CELF2: variants seen among roughly 807,000 people sequenced by gnomAD.
CELF2 encodes CUGBP Elav-like family member 2, also known as CUG triplet repeat RNA-binding protein 2.
Under a neutral mutation model 62.6 loss-of-function variants are expected in CELF2, and 8 were observed. The ratio of observed to expected loss-of-function variants is 0.13; its 90% CI spans 0.07 to 0.23. The LOEUF is 0.23. Ranked by LOEUF, CELF2 falls within the 10% of genes least tolerant of loss-of-function variation. The pLI, the probability that CELF2 is intolerant of heterozygous loss-of-function variation, is 1.00. For synonymous variants in CELF2, 258 were observed against 250.0 expected, an observed-to-expected ratio of 1.03 and a Z score of -0.30; for missense variants, 333 against 671.0, an observed-to-expected ratio of 0.50 and a Z score of 5.56.
chr10:10,788,115 T>C, the CELF2 span, among the ~76,000 whole-genome samples: 1 of 152,138 alleles, frequency 6.6e-6, no homozygotes, highest in Non-Finnish European at 1.5e-5. Flanking sequence ...GGAGAAAAAT[T>C]AGACAAATTT....
chr10:11,221,451 C>G (rs1018067442), intron 3 of CELF2, among the ~76,000 whole-genome samples: 6 of 152,176 alleles, frequency 3.9e-5, no homozygotes, highest in African/African-American at 1.4e-4. Context: ...AGAAAAACTA[C>G]CAAGATCTTT....
At chr10:11,121,967 G>A (rs2057841280) in intron 1 of CELF2, among the ~76,000 whole-genome samples, 2 of 152,142 alleles carry the variant, frequency 1.3e-5, no homozygotes, top group Non-Finnish European at 2.9e-5. Context: ...GTCCATGTGT[G>A]CCAGATAACC....
At chr10:10,727,962 G>A in the CELF2 span, among the ~76,000 whole-genome samples, 2 of 152,148 alleles carry the variant, frequency 1.3e-5, no homozygotes, top group South Asian at 2.1e-4. Flanking sequence ...GATTCTCCCC[G>A]TGTTGCTTAC....
chr10:10,645,614 A>G, the CELF2 span, among the ~76,000 whole-genome samples: 9,733 of 152,208 alleles, frequency 0.064, 360 homozygotes, highest in Admixed American at 0.097. Context: ...TCATTGCACC[A>G]CCGCACTTCA....
rs145355426 is a variant in CELF2, at chr10:11,262,813, T to C, written c.539-3785T>C. On this transcript the variant is annotated intron_variant, in intron 5 of 12. Coordinates refer to ENST00000633077, the MANE Select transcript of CELF2 (RefSeq NM_001326342.2). ...TAAACAAGTTTTCCATAGGTTAAAA[T>C]CTCCTTTGTCCTACACAAGTTATAC... Among the ~76,000 whole-genome samples, 733 of 151,724 alleles carry C rather than the reference T, an allele frequency of 4.8e-3. 21 individuals carry two copies. In the East Asian group the frequency reaches 0.074, roughly 15 times the overall value.
rs1174053118 is a variant in CELF2, at chr10:11,314,087, TCTCA to T, written c.977-46_977-43del. 1.3e-5 allele frequency: 20 copies of T among 1,553,118 alleles called. No individual in the cohort carries two copies. Among genetic ancestry groups the T allele is most frequent in the Non-Finnish European group, 1.7e-5 (19 of 1,136,260 alleles). Reference sequence around the variant, plus strand: ...TGACAGAAGGATTTCCAGTCTCGGCTCTCACTCACCTCGTGTCTTCTCTCCCCTT... The same window carrying T: ...TGACAGAAGGATTTCCAGTCTCGGCTCTCACCTCGTGTCTTCTCTCCCCTT... On this transcript the variant is annotated intron_variant, in intron 9 of 12. Coordinates refer to ENST00000633077, the MANE Select transcript of CELF2 (RefSeq NM_001326342.2). This position sits in a 1 kb window ranked among gnomAD's most constrained non-coding sequence, Gnocchi z 5.3.
At chr10:11,095,659 T>G (rs939959399) in intron 1 of CELF2, among the ~76,000 whole-genome samples, 5 of 152,160 alleles carry the variant, frequency 3.3e-5, no homozygotes, top group African/African-American at 1.2e-4. Flanking sequence ...CCTTTCAACT[T>G]GAAAGAGGTT....
the CELF2 span, among the ~76,000 whole-genome samples, chr10:10,672,343 C>G: frequency 6.6e-6 from 1 of 152,094 alleles, no homozygotes; most frequent in Non-Finnish European, 1.5e-5. Context: ...AGATTTTCTC[C>G]TATGTTATCT....
chr10:10,472,514 C>T, the CELF2 span, among the ~76,000 whole-genome samples: 1 of 151,780 alleles, frequency 6.6e-6, no homozygotes, highest in Admixed American at 6.6e-5. Flanking sequence ...AAAATTGCTG[C>T]TGTTAAGGTT....
intron 1 of CELF2, among the ~76,000 whole-genome samples, chr10:11,085,380 C>T (rs1294605383): frequency 6.6e-6 from 1 of 152,196 alleles, no homozygotes; most frequent in East Asian, 1.9e-4. Flanking sequence ...CATTGAAAAA[C>T]ATGGGGTACC....
At chr10:10,672,762 T>C in the CELF2 span, among the ~76,000 whole-genome samples, 2 of 152,120 alleles carry the variant, frequency 1.3e-5, no homozygotes, top group African/African-American at 4.8e-5. Flanking sequence ...TCTTCAATAA[T>C]GTGTTGGCAA....
At chr10:11,203,684 T>C (rs1160063472) in intron 2 of CELF2, among the ~76,000 whole-genome samples, 1 of 152,222 alleles carries the variant, frequency 6.6e-6, no homozygotes, top group Non-Finnish European at 1.5e-5. Context: ...GCATTTAAAG[T>C]TGATCGCTGT....
At chr10:11,185,705 T>C (rs656176) in intron 2 of CELF2, among the ~76,000 whole-genome samples, 73,457 of 152,098 alleles carry the variant, frequency 0.48, 18,899 homozygotes, top group East Asian at 0.84. Flanking sequence ...TGAGCCACCA[T>C]GCCTGGCTGG....
chr10:11,091,086 A>G (rs2048191911), intron 1 of CELF2, among the ~76,000 whole-genome samples: 1 of 152,190 alleles, frequency 6.6e-6, no homozygotes, highest in Non-Finnish European at 1.5e-5. Context: ...TTTGAATAGG[A>G]TGATTTCAAG....
intron 9 of CELF2, among the ~76,000 whole-genome samples, chr10:11,303,211 A>C (rs1489415125): frequency 1.3e-5 from 2 of 152,262 alleles, no homozygotes; most frequent in East Asian, 3.9e-4. Flanking sequence ...TCAAGACCTA[A>C]GACTGTTTCT....
chr10:10,993,896 C>A lies in CELF2; in HGVS notation c.89+73897C>A, dbSNP rs2053681065. The stretch of plus-strand genomic sequence containing the variant: ...GGCCCCAATCCAGTAGGACTAGTAT[C>A]CTTATCAGAAAAAAAAGACACTAGA... On this transcript the variant is annotated intron_variant, in intron 2 of 13. Transcript: ENST00000636488. This position sits in a 1 kb window ranked among gnomAD's most constrained non-coding sequence, Gnocchi z 5.3. Among the ~76,000 whole-genome samples the A allele has an allele frequency of 6.6e-6, 1 of 152,110 alleles. No individual in the cohort carries two copies. The highest frequency in any genetic ancestry group is 2.4e-5 in the African/African-American group (1 of 41,412).
the CELF2 span, among the ~76,000 whole-genome samples, chr10:10,745,262 G>A: frequency 6.6e-6 from 1 of 151,998 alleles, no homozygotes; most frequent in Admixed American, 6.6e-5. Flanking sequence ...GTCAGACCTC[G>A]TGCAAAATAA....
rs1161827283 is a variant in CELF2, at chr10:10,945,219, A to G, written c.89+25220A>G. 2.6e-5 allele frequency among the ~76,000 whole-genome samples: 4 copies of G among 152,242 alleles called. 1 individual carries two copies. In the Middle Eastern group the frequency reaches 0.014, roughly 518 times the overall value. On this transcript the variant is annotated intron_variant, in intron 2 of 13. Transcript: ENST00000636488. The stretch of plus-strand genomic sequence containing the variant: ...GGGGACCCAGCATAGAAGCAGGGGG[A>G]CAAGGTTGTTTGGTGGAGGGGGCAG...
intron 1 of CELF2, among the ~76,000 whole-genome samples, chr10:11,161,856 T>A (rs1162464921): frequency 2.0e-5 from 3 of 152,172 alleles, no homozygotes; most frequent in African/African-American, 4.8e-5. Flanking sequence ...GAAGAGCACA[T>A]TGGCTGTCCT....
Sources: allele counts gnomAD v4.1 joint callset (sites outside exome capture counted in the v4.1 genomes callset), GRCh38; gene constraint gnomAD v4.1.1; non-coding constraint Gnocchi (gnomAD v3.1); transcripts MANE v1.5; gene names NCBI Gene and HGNC (gene_info 2026-07-23, HGNC 2026-07-21).